Variants in MCTP1 observed in about 807,000 individuals in gnomAD.
The protein encoded by MCTP1 is multiple C2 and transmembrane domain-containing protein 1.
Under a neutral mutation model 120.6 loss-of-function variants are expected in MCTP1, and 69 were observed. That is an observed-to-expected ratio of 0.57 (90% confidence interval 0.47 to 0.70). MCTP1 has a LOEUF of 0.70. Among genes scored for constraint, MCTP1 ranks in the 30% least tolerant of loss-of-function variants. The pLI, the probability that MCTP1 is intolerant of heterozygous loss-of-function variation, is 0.00. For synonymous variants in MCTP1, 529 were observed against 493.1 expected, an observed-to-expected ratio of 1.07 and a Z score of -0.96; for missense variants, 1,203 against 1,248.8, an observed-to-expected ratio of 0.96 and a Z score of 0.55.
chr5:95,050,035 C>T (rs568473716), intron 1 of MCTP1, among the ~76,000 whole-genome samples: 8 of 151,402 alleles, frequency 5.3e-5, no homozygotes, highest in African/African-American at 1.7e-4. Context: ...TGACCTCTAC[C>T]CCCGTTAGGC....
intron 1 of MCTP1, among the ~76,000 whole-genome samples, chr5:95,210,194 C>T (rs976034090): frequency 6.6e-6 from 1 of 152,140 alleles, no homozygotes; most frequent in Non-Finnish European, 1.5e-5. Context: ...ATTAGGTCCA[C>T]TTGGTGCAGA....
At chr5:95,180,456 A>G (rs1015109662) in intron 1 of MCTP1, among the ~76,000 whole-genome samples, 1 of 152,214 alleles carries the variant, frequency 6.6e-6, no homozygotes, top group Non-Finnish European at 1.5e-5. Flanking sequence ...TTTTGACCAA[A>G]GCTGAAAGCT....
At chr5:94,992,622 AG>A (rs1445998513) in intron 2 of MCTP1, among the ~76,000 whole-genome samples, 1 of 152,214 alleles carries the variant, frequency 6.6e-6, no homozygotes, top group East Asian at 1.9e-4. Flanking sequence ...GCCAGGCCAC[AG>A]GTACAATGTC....
chr5:95,170,306 T>C (rs892689609), intron 1 of MCTP1, among the ~76,000 whole-genome samples: 9 of 152,208 alleles, frequency 5.9e-5, no homozygotes, highest in Admixed American at 1.3e-4. Context: ...TCTTTTACAT[T>C]TGCTGAGGAG....
At chr5:94,827,497 T>C (rs531873427) in intron 17 of MCTP1, among the ~76,000 whole-genome samples, 4 of 152,296 alleles carry the variant, frequency 2.6e-5, no homozygotes, top group South Asian at 2.1e-4. Flanking sequence ...TTGTATTTCC[T>C]GAATTTGAAT....
At chr5:95,218,859 A>G (rs1344154574) in intron 1 of MCTP1, among the ~76,000 whole-genome samples, 1 of 152,166 alleles carries the variant, frequency 6.6e-6, no homozygotes, top group Non-Finnish European at 1.5e-5. Context: ...ATTTAACACA[A>G]TGGTAACCAT....
intron 2 of MCTP1, among the ~76,000 whole-genome samples, chr5:95,000,174 A>G (rs1179630732): frequency 6.6e-6 from 1 of 152,206 alleles, no homozygotes; most frequent in East Asian, 1.9e-4. Flanking sequence ...TTACACACAT[A>G]TTTGTGGCAA....
At chr5:95,036,966 A>G (rs1433506007) in intron 1 of MCTP1, among the ~76,000 whole-genome samples, 1 of 152,028 alleles carries the variant, frequency 6.6e-6, no homozygotes, top group Non-Finnish European at 1.5e-5. Flanking sequence ...AGCACAAATT[A>G]ATATTACAGA....
At chr5:94,790,223 G>C (rs920399278) in intron 18 of MCTP1, among the ~76,000 whole-genome samples, 8 of 152,196 alleles carry the variant, frequency 5.3e-5, no homozygotes, top group Admixed American at 2.6e-4. Flanking sequence ...ACACATTAAG[G>C]AGGTGAACCC....
At chr5:94,955,340 C>T (rs1285412167) in intron 2 of MCTP1, among the ~76,000 whole-genome samples, 3 of 152,152 alleles carry the variant, frequency 2.0e-5, no homozygotes, top group South Asian at 2.1e-4. Flanking sequence ...ACTGGGCAGT[C>T]ATTTGGGCAG....
intron 2 of MCTP1, among the ~76,000 whole-genome samples, chr5:95,007,784 G>C (rs1835063762): frequency 6.6e-6 from 1 of 152,078 alleles, no homozygotes; most frequent in Non-Finnish European, 1.5e-5. Flanking sequence ...CATTCCCCAG[G>C]CTTTTACATT....
intron 1 of MCTP1, among the ~76,000 whole-genome samples, chr5:95,021,388 G>C (rs1475582796): frequency 6.6e-6 from 1 of 152,016 alleles, no homozygotes; most frequent in South Asian, 2.1e-4. Context: ...GATTTGAACT[G>C]CATTGAGTTT....
At chr5:94,725,986 CAG>C (rs988803579) in intron 19 of MCTP1, among the ~76,000 whole-genome samples, 1 of 152,150 alleles carries the variant, frequency 6.6e-6, no homozygotes, top group African/African-American at 2.4e-5. Context: ...ATAAAGACAA[CAG>C]AATTTTCTCC....
At chr5:95,150,034 C>T (rs1760752367) in intron 1 of MCTP1, among the ~76,000 whole-genome samples, 1 of 152,112 alleles carries the variant, frequency 6.6e-6, no homozygotes, top group South Asian at 2.1e-4. Flanking sequence ...TTAGACAATT[C>T]ACTTGGACAG....
intron 10 of MCTP1, among the ~76,000 whole-genome samples, chr5:94,904,118 A>T (rs1806194490): frequency 6.6e-6 from 1 of 152,264 alleles, no homozygotes; most frequent in Admixed American, 6.5e-5. Flanking sequence ...GTTCAGTGAC[A>T]GGTAAAATTT....
At chr5:94,973,924 T>A (rs1266584425) in intron 2 of MCTP1, among the ~76,000 whole-genome samples, 3 of 152,044 alleles carry the variant, frequency 2.0e-5, no homozygotes, top group African/African-American at 7.2e-5. Context: ...AAGTAGAAGA[T>A]GCACATAGAT....
chr5:95,050,729 T>G (rs1745681490), intron 1 of MCTP1, among the ~76,000 whole-genome samples: 1 of 152,250 alleles, frequency 6.6e-6, no homozygotes, highest in African/African-American at 2.4e-5. Context: ...TGCTATGAGT[T>G]AAATTATATC....
intron 19 of MCTP1, among the ~76,000 whole-genome samples, chr5:94,717,232 G>T (rs1454709660): frequency 1.3e-5 from 2 of 151,958 alleles, no homozygotes; most frequent in African/African-American, 2.4e-5. Flanking sequence ...ATACACAAAT[G>T]AATAAAGTAA....
intron 1 of MCTP1, among the ~76,000 whole-genome samples, chr5:95,225,521 T>A (rs1754159113): frequency 6.6e-6 from 1 of 152,216 alleles, no homozygotes; most frequent in Admixed American, 6.5e-5. Flanking sequence ...AGCAAATGAA[T>A]AATGAAAATA....
Sources: gnomAD v4.1 joint callset for allele counts (sites outside exome capture counted in the v4.1 genomes callset) on GRCh38, gnomAD v4.1.1 for gene constraint, MANE v1.5 for transcripts, NCBI Gene and HGNC (gene_info 2026-07-23, HGNC 2026-07-21) for gene names.